RASD2: variants seen among roughly 807,000 people sequenced by gnomAD.
The protein encoded by RASD2 is RASD family member 2.
Under a neutral mutation model 15.8 loss-of-function variants are expected in RASD2, and 7 were observed. That is an observed-to-expected ratio of 0.44 (90% CI 0.25 to 0.83). The LOEUF (loss-of-function observed/expected upper bound fraction) is 0.83, where lower values mean the gene tolerates loss of function less well. Among genes scored for constraint, RASD2 ranks in the 40% least tolerant of loss-of-function variants. RASD2 has a pLI of 0.20. For missense variants in RASD2, 274 were observed against 382.8 expected (o/e 0.72, Z 2.37); for synonymous variants, 155 against 153.6 (o/e 1.01, Z -0.07).
Position 35,552,548 on chromosome 22 carries a change from C to G in RASD2, c.*516C>G, listed in dbSNP as rs1189040063. ...CCTCTGCACCCCCTCCCACCCCCAG[C>G]ACACACACAAGTTGGCCCCCAGCTG... On this transcript the variant is annotated 3_prime_UTR_variant, in exon 3 of 3. Transcript: ENST00000216127. 1 of 155,222 alleles carries G rather than the reference C, an allele frequency of 6.4e-6. No individual in the cohort carries two copies. Among genetic ancestry groups the G allele is most frequent in the Non-Finnish European group, 1.4e-5 (1 of 70,420 alleles). 9.6% of individuals were successfully genotyped at this position (155,222 alleles called of 1,614,324 possible).
At chr22:35,536,604 C>T (rs1041130966), upstream of RASD2, among the ~76,000 whole-genome samples, 12 of 152,320 alleles carry the variant, frequency 7.9e-5, no homozygotes, top group African/African-American at 1.4e-4. Context: ...GGATTACAGG[C>T]GTGAGCCACC....
chr22:35,533,930 G>C, the RASD2 span, among the ~76,000 whole-genome samples: 1 of 146,162 alleles, frequency 6.8e-6, no homozygotes, highest in South Asian at 2.1e-4. Context: ...TGGTGATGAT[G>C]GTGATGATGA....
chr22:35,542,596 G>A (rs1019247026), intron 1 of RASD2, among the ~76,000 whole-genome samples: 6 of 152,242 alleles, frequency 3.9e-5, no homozygotes, highest in Non-Finnish European at 7.3e-5. Context: ...TCTCAGAGTG[G>A]CAGCTGGAAG....
chr22:35,538,266 C>T (rs9619554), upstream of RASD2, among the ~76,000 whole-genome samples: 33,981 of 152,044 alleles, frequency 0.22, 4,238 homozygotes, highest in African/African-American at 0.34. Context: ...GCCACCACAC[C>T]CAGCCCAAGA....
At chr22:35,534,797 G>A in the RASD2 span, among the ~76,000 whole-genome samples, 8 of 152,162 alleles carry the variant, frequency 5.3e-5, no homozygotes, top group South Asian at 2.1e-4. Flanking sequence ...CTTTAAAGAC[G>A]GCTGCCTCTG....
intron 1 of RASD2, among the ~76,000 whole-genome samples, chr22:35,544,334 G>A (rs1934438375): frequency 6.6e-6 from 1 of 152,080 alleles, no homozygotes; most frequent in African/African-American, 2.4e-5. Flanking sequence ...AGGGCTCCCT[G>A]CTGTGGTCTG....
upstream of RASD2, among the ~76,000 whole-genome samples, chr22:35,540,313 G>C (rs1302549086): frequency 6.6e-6 from 1 of 151,306 alleles, no homozygotes; most frequent in East Asian, 1.9e-4. Context: ...TTCTGGGCAA[G>C]GTGCGCGCGC....
the RASD2 span, among the ~76,000 whole-genome samples, chr22:35,533,959 T>C: frequency 1.3e-5 from 2 of 151,886 alleles, no homozygotes; most frequent in Non-Finnish European, 2.9e-5. Context: ...ATGACGGTGA[T>C]GATTATGGTG....
At chr22:35,537,790 T>C (rs1200100154), upstream of RASD2, among the ~76,000 whole-genome samples, 1 of 152,146 alleles carries the variant, frequency 6.6e-6, no homozygotes, top group African/African-American at 2.4e-5. Context: ...GAAACCAGCA[T>C]ACACAAGCTC....
intron 1 of RASD2, among the ~76,000 whole-genome samples, chr22:35,546,458 G>T (rs1165466433): frequency 1.3e-5 from 2 of 152,124 alleles, no homozygotes; most frequent in African/African-American, 4.8e-5. Context: ...TATGAATTGG[G>T]CTCATTTTGC....
In RASD2 at chr22:35,546,983, G is replaced by T; in HGVS notation, c.174G>T (p.Lys58Asn). Residue 58 changes from lysine to asparagine, a missense_variant, in exon 2 of 3, where the codon AAG (lysine) becomes AAT (asparagine). Coordinates refer to ENST00000216127, the MANE Select transcript of RASD2 (RefSeq NM_014310.4). The part of the protein sequence containing the change: ...YTPTIEDFHR[K>N]VYNIRGDMYQ... ...CCACCATCGAGGACTTCCACCGTAA[G>T]GTATACAACATCCGCGGCGACATGT... 6.2e-7 allele frequency: 1 copy of T among 1,614,156 alleles called. No individual in the cohort carries two copies. The highest frequency in any genetic ancestry group is 8.5e-7 in the Non-Finnish European group (1 of 1,180,030).
intron 1 of RASD2, among the ~76,000 whole-genome samples, chr22:35,545,197 G>C (rs5755742): frequency 0.15 from 22,907 of 152,220 alleles, 2,668 homozygotes; most frequent in East Asian, 0.65. Context: ...CTGGTAGTTG[G>C]GCAGGGTGAG....
At chr22:35,545,705 C>T (rs756299279) in intron 1 of RASD2, among the ~76,000 whole-genome samples, 11 of 152,022 alleles carry the variant, frequency 7.2e-5, no homozygotes, top group Non-Finnish European at 1.5e-4. Context: ...GACCCTGAAA[C>T]ATAAGGGGAA....
chr22:35,547,639 G>C (rs1934543034), intron 2 of RASD2, among the ~76,000 whole-genome samples: 1 of 152,180 alleles, frequency 6.6e-6, no homozygotes, highest in Non-Finnish European at 1.5e-5. Flanking sequence ...TTTTGAAACA[G>C]AGTCTCGCTC....
chr22:35,539,625 C>T (rs1250634243), upstream of RASD2, among the ~76,000 whole-genome samples: 3 of 152,204 alleles, frequency 2.0e-5, no homozygotes, highest in African/African-American at 7.2e-5. Flanking sequence ...TGGCAGGCCA[C>T]GGTTTCCAGC....
chr22:35,534,440 C>T, the RASD2 span, among the ~76,000 whole-genome samples: 1 of 152,292 alleles, frequency 6.6e-6, no homozygotes, highest in African/African-American at 2.4e-5. Flanking sequence ...TGCTTCTCCA[C>T]GTAGGGTTGT....
At chr22:35,535,160 T>C in the RASD2 span, among the ~76,000 whole-genome samples, 2 of 152,082 alleles carry the variant, frequency 1.3e-5, no homozygotes, top group African/African-American at 2.4e-5. Context: ...TTTCAACACA[T>C]TGGGAGGCAG....
At chr22:35,535,270 G>T in the RASD2 span, among the ~76,000 whole-genome samples, 13,192 of 151,882 alleles carry the variant, frequency 0.087, 1,898 homozygotes, top group African/African-American at 0.3. Context: ...CGGGTGTGAT[G>T]GTGCATGCCT....
At chr22:35,550,294 A>C (rs1304580403) in intron 2 of RASD2, among the ~76,000 whole-genome samples, 1 of 151,756 alleles carries the variant, frequency 6.6e-6, no homozygotes, top group Non-Finnish European at 1.5e-5. Context: ...AATAAAAAAT[A>C]GCTAGGCATG....
Sources: allele counts gnomAD v4.1 joint callset (sites outside exome capture counted in the v4.1 genomes callset), GRCh38; gene constraint gnomAD v4.1.1; transcripts MANE v1.5; gene names NCBI Gene and HGNC (gene_info 2026-07-23, HGNC 2026-07-21).